Variants in JMY observed in about 807,000 individuals in gnomAD.
JMY encodes junction mediating and regulatory protein, p53 cofactor, also known as junction-mediating and -regulatory protein.
A neutral mutation model predicts 103.3 loss-of-function variants in JMY; 46 were observed. The observed-to-expected ratio is 0.45, with a 90% CI of 0.35 to 0.57. The LOEUF is 0.57. Among genes scored for constraint, JMY ranks in the 20% least tolerant of loss-of-function variants. JMY has a pLI of 0.00. For synonymous variants in JMY, 526 were observed against 489.3 expected (o/e 1.07, Z -0.99); for missense variants, 1,238 against 1,255.2 (o/e 0.99, Z 0.21).
chr5:79,277,919 A>G lies in JMY; in HGVS notation c.1042A>G (p.Lys348Glu). 6.2e-7 allele frequency: 1 copy of G among 1,610,034 alleles called. No individual in the cohort carries two copies. Reference sequence around the variant, plus strand: ...CTGTCTTGTTCCACAGCTCTTGGATAAGCACAAGAATACAGAGAGCATGGT... The same window carrying G: ...CTGTCTTGTTCCACAGCTCTTGGATGAGCACAAGAATACAGAGAGCATGGT... ...ARKRIQELLD[K>E]HKNTESMVEL... The change falls in exon 2 of 11, where the codon AAG (lysine) becomes GAG (glutamate). Residue 348 changes from lysine to glutamate, a missense_variant. Coordinates refer to ENST00000396137, the MANE Select transcript of JMY (RefSeq NM_152405.5).
At chr5:79,289,434 A>G (rs1746361488) in intron 2 of JMY, among the ~76,000 whole-genome samples, 1 of 151,772 alleles carries the variant, frequency 6.6e-6, no homozygotes, top group East Asian at 1.9e-4. Flanking sequence ...GCTGATAGCT[A>G]TTTCTCTGTA....
At chr5:79,248,458 T>C (rs1744975232) in intron 1 of JMY, among the ~76,000 whole-genome samples, 1 of 150,714 alleles carries the variant, frequency 6.6e-6, no homozygotes, top group African/African-American at 2.4e-5. Context: ...AGGTGCGTGC[T>C]ACCACACCCA....
At chr5:79,275,867 A>C (rs75505327) in intron 1 of JMY, among the ~76,000 whole-genome samples, 176 of 152,338 alleles carry the variant, frequency 1.2e-3, no homozygotes, top group African/African-American at 4.1e-3. Flanking sequence ...GTGCTGCTAC[A>C]TGTTGTGCCA....
At chr5:79,270,061 G>T (rs1219797104) in intron 1 of JMY, among the ~76,000 whole-genome samples, 1 of 151,914 alleles carries the variant, frequency 6.6e-6, no homozygotes, top group African/African-American at 2.4e-5. Flanking sequence ...GTGTACGTGA[G>T]TTCATTTTCT....
chr5:79,278,038 C>T lies in JMY; in HGVS notation c.1161C>T (p.Phe387=). ...TCTATCAGTATTTACTACAGCCATT[C>T]CGAGACATGAGAGAACTTGCCATGC... is the stretch of plus-strand genomic sequence containing the variant. ...TELYQYLLQP[F]RDMRELAMLR... is the part of the protein sequence containing the mutation. Residue 387 remains phenylalanine (F), a synonymous_variant, in exon 2 of 11, where the codon TTC becomes TTT. Coordinates refer to ENST00000396137, the MANE Select transcript of JMY (RefSeq NM_152405.5). The T allele has an allele frequency of 2.5e-6, 4 of 1,613,908 alleles. No individual in the cohort carries two copies. Among genetic ancestry groups the T allele is most frequent in the Non-Finnish European group, 3.4e-6 (4 of 1,179,908 alleles).
At chr5:79,247,906 A>G (rs1176429134) in intron 1 of JMY, among the ~76,000 whole-genome samples, 1 of 144,030 alleles carries the variant, frequency 6.9e-6, no homozygotes, top group Non-Finnish European at 1.5e-5. Context: ...ATTTTATTTT[A>G]TTTTGAGACA....
intron 4 of JMY, among the ~76,000 whole-genome samples, chr5:79,298,097 T>G (rs1746618993): frequency 6.6e-6 from 1 of 152,068 alleles, no homozygotes; most frequent in Admixed American, 6.6e-5. Flanking sequence ...AGAGAGAAAC[T>G]TACAGAGTGC....
At chr5:79,292,850 T>C (rs1746463188) in intron 4 of JMY, among the ~76,000 whole-genome samples, 1 of 152,194 alleles carries the variant, frequency 6.6e-6, no homozygotes, top group Non-Finnish European at 1.5e-5. Context: ...TGTAATAGTC[T>C]GGATTGTATT....
At chr5:79,309,067 C>A (rs1320945222) in intron 7 of JMY, among the ~76,000 whole-genome samples, 1 of 152,054 alleles carries the variant, frequency 6.6e-6, no homozygotes, top group African/African-American at 2.4e-5. Flanking sequence ...AATCTATAAT[C>A]TAGATTTTTT....
In JMY at chr5:79,300,577, G is replaced by A. The variant is rs1746702914; in HGVS notation, c.1694-99G>A. The A allele has an allele frequency of 7.5e-6, 7 of 930,606 alleles. No individual in the cohort carries two copies. The South Asian group carries it at 1.3e-4, about 17-fold the overall frequency. The allele number at this position is 930,606 out of a possible 1,614,324, so 57.6% of individuals were successfully genotyped here. ...AAGAAGCTTAAGAGATAATGGCTTT[G>A]CCTGAGGTTGCAGAGCCAGTAATGA... On this transcript the variant is annotated intron_variant, in intron 5 of 10. Transcript: ENST00000396137.
intron 1 of JMY, among the ~76,000 whole-genome samples, chr5:79,250,244 C>T (rs913143319): frequency 1.2e-4 from 18 of 152,154 alleles, no homozygotes; most frequent in Non-Finnish European, 2.4e-4. Flanking sequence ...AAAAATCTAA[C>T]GGGTTGATCT....
intron 1 of JMY, among the ~76,000 whole-genome samples, chr5:79,260,140 C>T (rs2112064640): frequency 6.6e-6 from 1 of 152,366 alleles, no homozygotes; most frequent in East Asian, 1.9e-4. Flanking sequence ...ACCTGACGCA[C>T]CCAGGGCTGG....
At chr5:79,300,063 A>G (rs1746685887) in intron 4 of JMY, 90 bp from the exon 5 acceptor site, 3 of 1,007,738 alleles carry the variant, frequency 3.0e-6, no homozygotes, top group Non-Finnish European at 4.6e-6. Context: ...TAATAGGTTT[A>G]TGCTATCTGA....
chr5:79,310,773 G>A (rs1561314156), intron 7 of JMY, among the ~76,000 whole-genome samples: 2 of 152,230 alleles, frequency 1.3e-5, no homozygotes, highest in East Asian at 1.9e-4. Flanking sequence ...AGCTCAAATT[G>A]GATAAGAGAA....
intron 1 of JMY, among the ~76,000 whole-genome samples, chr5:79,272,109 CT>C (rs1241402731): frequency 1.4e-5 from 2 of 140,532 alleles, no homozygotes; most frequent in East Asian, 2.1e-4. Flanking sequence ...GAGATTCTGT[CT>C]TTAAAAAAAA....
chr5:79,256,902 A>G (rs1322522723), intron 1 of JMY, among the ~76,000 whole-genome samples: 1 of 151,934 alleles, frequency 6.6e-6, no homozygotes, highest in African/African-American at 2.4e-5. Context: ...CCGATATTAC[A>G]GGCATGAGCC....
chr5:79,314,896 G>T (rs1317376414), intron 9 of JMY, 45 bp downstream of exon 9: 1 of 1,480,520 alleles, frequency 6.8e-7, no homozygotes, highest in Non-Finnish European at 9.0e-7. Context: ...ATGACATCAG[G>T]CATAGTAAAA....
chr5:79,236,995 T>A lies in JMY; in HGVS notation c.345T>A (p.Ser115=). The A allele has an allele frequency of 6.8e-7, 1 of 1,466,902 alleles. No individual in the cohort carries two copies. Among genetic ancestry groups the A allele is most frequent in the Non-Finnish European group, 9.0e-7 (1 of 1,111,216 alleles). 90.9% of individuals were successfully genotyped at this position (1,466,902 alleles called of 1,614,324 possible). A position where few individuals can be genotyped will look rare whatever the true frequency, so the allele number is the denominator to read the frequency against. Residue 115 remains serine, a synonymous_variant, in exon 1 of 11, where the codon TCT becomes TCA. Coordinates refer to ENST00000396137, the MANE Select transcript of JMY (RefSeq NM_152405.5). ...GCTCGGCCTGGGCGGAGGGCGGCTC[T>A]CCTCGGAGCACTCGCAGCCTTCTGG... The part of the protein sequence containing the change: ...RRSSAWAEGG[S]PRSTRSLLGD...
At chr5:79,307,087 C>T (rs1320673966) in intron 7 of JMY, among the ~76,000 whole-genome samples, 1 of 152,062 alleles carries the variant, frequency 6.6e-6, no homozygotes, top group African/African-American at 2.4e-5. Context: ...GGCTTGATAG[C>T]TCATTTTAAC....
Sources: gnomAD v4.1 joint callset for allele counts (sites outside exome capture counted in the v4.1 genomes callset) on GRCh38, gnomAD v4.1.1 for gene constraint, MANE v1.5 for transcripts, NCBI Gene and HGNC (gene_info 2026-07-23, HGNC 2026-07-21) for gene names.